The following ITGA1 variants were observed in gnomAD, a reference collection of about 807,000 sequenced individuals.
ITGA1 encodes the protein integrin alpha-1.
In ITGA1, 85 loss-of-function variants were observed where a neutral mutation model predicts 145.9. That is an observed-to-expected ratio of 0.58 (90% confidence interval 0.49 to 0.70). ITGA1 has a LOEUF of 0.70. Among genes scored for constraint, ITGA1 ranks in the 30% least tolerant of loss-of-function variants. ITGA1 has a pLI of 0.00. For missense variants in ITGA1, 1,351 were observed against 1,418.7 expected, an observed-to-expected ratio of 0.95 and a Z score of 0.77; for synonymous variants, 520 against 495.3, an observed-to-expected ratio of 1.05 and a Z score of -0.66.
At chr5:52,934,221 A>T (rs2111891978) in intron 23 of ITGA1, among the ~76,000 whole-genome samples, 1 of 151,256 alleles carries the variant, frequency 6.6e-6, no homozygotes, top group Admixed American at 6.6e-5. Flanking sequence ...AATTTGTTGT[A>T]ATTATATTTT....
intron 23 of ITGA1, among the ~76,000 whole-genome samples, chr5:52,936,459 C>A (rs534581309): frequency 6.6e-6 from 1 of 152,182 alleles, no homozygotes; most frequent in Non-Finnish European, 1.5e-5. Flanking sequence ...GAGGAGCTCT[C>A]AGTCTGGAAG....
Position 52,788,404 on chromosome 5 carries a change from G to T in ITGA1, c.51G>T (p.Trp17Cys). 1 of 1,512,710 alleles carries T rather than the reference G, an allele frequency of 6.6e-7. No individual in the cohort carries two copies. The allele number at this position is 1,512,710 out of a possible 1,614,324, so 93.7% of individuals were successfully genotyped here. ...CAGGGGTCGCTGTCGCCTGCTGCTG[G>T]CTCCTCACTGGTGAGCGACTCGCTT... ...ARPGVAVACC[W>C]LLTVVLRCCV... The change falls in exon 1 of 29, where the codon TGG becomes TGT. Residue 17 changes from tryptophan (W) to cysteine (C), a missense_variant. Trp to Cys is a radical substitution (Grantham distance 215). Transcript: ENST00000282588.
At chr5:52,791,402 T>C (rs1748236391) in intron 1 of ITGA1, among the ~76,000 whole-genome samples, 1 of 152,140 alleles carries the variant, frequency 6.6e-6, no homozygotes, top group Admixed American at 6.5e-5. Flanking sequence ...GGGTGGCCAT[T>C]AGACTGGAGT....
intron 1 of ITGA1, 57 bp downstream of exon 1, chr5:52,788,471 G>T: frequency 2.2e-6 from 3 of 1,356,958 alleles, no homozygotes; most frequent in Middle Eastern, 1.9e-4. Context: ...GGCTTGGAGC[G>T]GGGAGGGAGG....
At chr5:52,851,842 C>G (rs1749436629) in intron 2 of ITGA1, among the ~76,000 whole-genome samples, 2 of 151,994 alleles carry the variant, frequency 1.3e-5, no homozygotes, top group African/African-American at 4.8e-5. Flanking sequence ...GTCAGTCAAT[C>G]AACATGTATT....
intron 12 of ITGA1, 120 bp downstream of exon 12, chr5:52,906,028 G>C (rs1368419291): frequency 9.8e-6 from 8 of 814,554 alleles, no homozygotes; most frequent in Non-Finnish European, 1.5e-5. Context: ...ACTGGGAACA[G>C]GGCCCTGTGT....
intron 14 of ITGA1, among the ~76,000 whole-genome samples, chr5:52,911,427 A>T (rs1397547060): frequency 6.7e-5 from 9 of 133,932 alleles, no homozygotes; most frequent in Admixed American, 2.3e-4. Context: ...CACTATATAG[A>T]TACTATATAT....
At chr5:52,800,672 A>C in intron 1 of ITGA1, 3 of 1,614,186 alleles carry the variant, frequency 1.9e-6, no homozygotes, top group Non-Finnish European at 2.5e-6. Context: ...GAGAATGAGT[A>C]TGTCAAGATG....
intron 11 of ITGA1, among the ~76,000 whole-genome samples, chr5:52,901,008 A>C (rs933770025): frequency 2.0e-5 from 3 of 152,134 alleles, no homozygotes; most frequent in Non-Finnish European, 4.4e-5. Flanking sequence ...TAATCCCTGG[A>C]CCCATACTTT....
intron 17 of ITGA1, 101 bp downstream of exon 17, chr5:52,920,569 T>G: frequency 1.0e-6 from 1 of 983,680 alleles, no homozygotes; most frequent in Non-Finnish European, 1.4e-6. Flanking sequence ...TATTTCAAAA[T>G]GCACTTATGA....
At chr5:52,912,904 G>A (rs1001195332) in intron 14 of ITGA1, among the ~76,000 whole-genome samples, 14 of 151,648 alleles carry the variant, frequency 9.2e-5, no homozygotes, top group Non-Finnish European at 4.4e-5. Flanking sequence ...CCGCCACCAC[G>A]CCCGGCTAAT....
chr5:52,864,798 G>C lies in ITGA1; in HGVS notation c.331G>C (p.Glu111Gln). 6.2e-7 allele frequency: 1 copy of C among 1,612,494 alleles called. No homozygotes were observed. Among genetic ancestry groups the C allele is most frequent in the Non-Finnish European group, 8.5e-7 (1 of 1,178,918 alleles). Residue 111 changes from glutamate (E) to glutamine (Q), a missense_variant, in exon 4 of 29, where the codon GAG (glutamate) becomes CAG (glutamine). Physicochemically the swap from Glu to Gln is conservative, Grantham distance 29 (BLOSUM62 2). Transcript: ENST00000282588. ...TSIPNVTEVK[E>Q]NMTFGSTLVT... ...AATTCCCAATGTCACAGAAGTAAAGGAGAACATGACATTTGGATCAACTTT... is the reference window on the plus strand; with the variant it reads ...AATTCCCAATGTCACAGAAGTAAAGCAGAACATGACATTTGGATCAACTTT...
At chr5:52,929,284 C>G (rs1048939136) in intron 20 of ITGA1, among the ~76,000 whole-genome samples, 1 of 152,124 alleles carries the variant, frequency 6.6e-6, no homozygotes, top group Non-Finnish European at 1.5e-5. Context: ...GGGTACTAAT[C>G]CCACTCATGA....
chr5:52,793,163 G>A (rs554701447), intron 1 of ITGA1, among the ~76,000 whole-genome samples: 3 of 152,076 alleles, frequency 2.0e-5, no homozygotes, highest in Non-Finnish European at 2.9e-5. Context: ...AATGCACCAC[G>A]GTATTATAAT....
rs1050777862 is a variant in ITGA1, at chr5:52,864,916, T to C, written c.385-55T>C. The C allele has an allele frequency of 1.9e-6, 3 of 1,557,762 alleles. No individual in the cohort carries two copies. In the Admixed American group the frequency reaches 5.2e-5, roughly 27 times the overall value. Reference sequence around the variant, plus strand: ...GCTATCATTTTAAGTCTTTGTAAGATCTGTTATATAATTTTCAGTCTAATG... The same window carrying C: ...GCTATCATTTTAAGTCTTTGTAAGACCTGTTATATAATTTTCAGTCTAATG... On this transcript the variant is annotated intron_variant, in intron 4 of 28. Transcript: ENST00000282588.
At chr5:52,845,994 A>G (rs1749327790) in intron 1 of ITGA1, among the ~76,000 whole-genome samples, 1 of 152,172 alleles carries the variant, frequency 6.6e-6, no homozygotes, top group South Asian at 2.1e-4. Flanking sequence ...ATCATAGAGT[A>G]TATTTACACA....
At chr5:52,847,563 T>C (rs746551603) in intron 1 of ITGA1, among the ~76,000 whole-genome samples, 2 of 152,110 alleles carry the variant, frequency 1.3e-5, no homozygotes, top group Non-Finnish European at 2.9e-5. Context: ...TTTGTTTGTT[T>C]GGTTTGTTTG....
chr5:52,911,022 T>C lies in ITGA1; in HGVS notation c.1857+603T>C, dbSNP rs867867908. On this transcript the variant is annotated intron_variant, in intron 14 of 28. Transcript: ENST00000282588. ...GTATGTATACTGTATATACTATATA[T>C]AGTATGTATACTGTATATACTATAT... Among the ~76,000 whole-genome samples, 197 of 100,766 alleles carry C rather than the reference T, an allele frequency of 2.0e-3. 1 individual carries two copies. The East Asian group carries it at 0.023, about 12-fold the overall frequency. 66.1% of individuals were successfully genotyped at this position (100,766 alleles called of 152,430 possible). A position where few individuals can be genotyped will look rare whatever the true frequency, so the allele number is the denominator to read the frequency against.
At chr5:52,919,028 A>G in intron 16 of ITGA1, 130 bp downstream of exon 16, 1 of 771,194 alleles carries the variant, frequency 1.3e-6, no homozygotes. Flanking sequence ...CCCAGTGAAG[A>G]TGCAGAACCT....
Sources: gnomAD v4.1 joint callset for allele counts (sites outside exome capture counted in the v4.1 genomes callset) on GRCh38, gnomAD v4.1.1 for gene constraint, MANE v1.5 for transcripts, NCBI Gene and HGNC (gene_info 2026-07-23, HGNC 2026-07-21) for gene names.